Variants in UMODL1 observed in about 807,000 individuals in gnomAD.
The protein encoded by UMODL1 is uromodulin like 1.
UMODL1 carries 128 observed loss-of-function variants against 136.3 expected under a neutral mutation model. The observed-to-expected ratio is 0.94, with a 90% CI of 0.81 to 1.09. UMODL1 has a LOEUF of 1.09. Ranked by LOEUF, UMODL1 falls within the 50% of genes least tolerant of loss-of-function variation. UMODL1 has a pLI of 0.00. For missense variants in UMODL1, 1,766 were observed against 1,725.6 expected (o/e 1.02, Z -0.41); for synonymous variants, 721 against 720.0 (o/e 1.00, Z -0.02).
At chr21:42,091,712 C>T (rs141998734) in intron 6 of UMODL1, among the ~76,000 whole-genome samples, 37 of 152,292 alleles carry the variant, frequency 2.4e-4, no homozygotes, top group East Asian at 7.7e-4. Flanking sequence ...GGGGAAGACC[C>T]GAGCTGTTGT....
chr21:42,080,322 G>A (rs1311338831), intron 2 of UMODL1, among the ~76,000 whole-genome samples: 1 of 152,180 alleles, frequency 6.6e-6, no homozygotes, highest in Non-Finnish European at 1.5e-5. Context: ...TGGAAATACT[G>A]GGAAGCGTGA....
chr21:42,108,136 G>A (rs1450383188), intron 9 of UMODL1, among the ~76,000 whole-genome samples: 4 of 152,236 alleles, frequency 2.6e-5, no homozygotes, highest in African/African-American at 9.6e-5. Context: ...TGGGGGGACG[G>A]AGGAGTGAAG....
In UMODL1 at chr21:42,110,945, G is replaced by T. The variant is rs375983358; in HGVS notation, c.1723G>T (p.Gly575Cys). ...AACAGGGGTAACGGTCCCAGGTCTT[G>T]GCACGGGAACAGCAGCCCTCGGCCT... ...AATGVTVPGL[G>C]TGTAALGLEN... is the part of the protein sequence containing the mutation. Residue 575 changes from glycine to cysteine, a missense_variant, in exon 11 of 23, where the codon GGC becomes TGC. Gly to Cys is a radical substitution (Grantham distance 159). Transcript: ENST00000408910. The T allele has an allele frequency of 5.8e-5, 94 of 1,613,024 alleles. No homozygotes were observed. In the African/African-American group the frequency reaches 1.2e-3, roughly 20 times the overall value.
chr21:42,081,806 TC>T (rs1476545608), intron 2 of UMODL1, among the ~76,000 whole-genome samples: 1 of 152,174 alleles, frequency 6.6e-6, no homozygotes, highest in Non-Finnish European at 1.5e-5. Context: ...TTATTTGGAT[TC>T]CCCTGTTTTC....
At chr21:42,111,439 G>A in intron 11 of UMODL1, 67 bp from the exon 12 acceptor site, 1 of 1,613,810 alleles carries the variant, frequency 6.2e-7, no homozygotes. Flanking sequence ...CCTCCCCGAA[G>A]GCTACTGGGT....
intron 21 of UMODL1, among the ~76,000 whole-genome samples, chr21:42,130,221 C>T (rs985102782): frequency 2.0e-4 from 30 of 150,464 alleles, no homozygotes; most frequent in Non-Finnish European, 2.2e-4. Context: ...GCCATGTCAA[C>T]GTGTGTGTGT....
rs146008430 is a variant in UMODL1, at chr21:42,109,917, C to T, written c.1657+218C>T. On this transcript the variant is annotated intron_variant, in intron 10 of 22. Coordinates refer to ENST00000408910, the MANE Select transcript of UMODL1 (RefSeq NM_001004416.3). ...AAAACAATGAATCTAGCTTGGATTA[C>T]ACTCATCTCTATCTAAATGCCATTA... Among the ~76,000 whole-genome samples, 429 of 152,376 alleles carry T rather than the reference C, an allele frequency of 2.8e-3. 3 individuals are homozygous for T. Among genetic ancestry groups the T allele is most frequent in the African/African-American group, 9.7e-3 (404 of 41,590 alleles).
intron 22 of UMODL1, among the ~76,000 whole-genome samples, chr21:42,140,117 T>C (rs1296721295): frequency 6.6e-6 from 1 of 152,170 alleles, no homozygotes; most frequent in Non-Finnish European, 1.5e-5. Context: ...CAAAAATCTG[T>C]TATCTCAAGA....
intron 1 of UMODL1, among the ~76,000 whole-genome samples, chr21:42,073,184 T>C (rs950500023): frequency 3.3e-5 from 5 of 152,208 alleles, no homozygotes; most frequent in Non-Finnish European, 7.3e-5. Context: ...CAGGTTACGA[T>C]GAAAAACGCA....
rs778569173 is a variant in UMODL1 at position 42,076,277 on chromosome 21, G to A, written c.319+30G>A. On this transcript the variant is annotated intron_variant, in intron 2 of 22. Transcript: ENST00000408910. ...GTCCAGGGCTGCTGGGCTGGGGCGG[G>A]GCCACCCTTGCCGTCGAGACGCCTG... 1.9e-6 allele frequency: 3 copies of A among 1,609,674 alleles called. No homozygotes were observed. The South Asian group carries it at 3.3e-5, about 18-fold the overall frequency.
chr21:42,138,578 ATT>A (rs55726630), intron 22 of UMODL1, among the ~76,000 whole-genome samples: 10 of 146,630 alleles, frequency 6.8e-5, no homozygotes, highest in East Asian at 2.0e-4. Flanking sequence ...AGATTTTCAG[ATT>A]TTTTTTTTTT....
intron 13 of UMODL1, among the ~76,000 whole-genome samples, chr21:42,115,019 A>C (rs1416687702): frequency 6.6e-6 from 1 of 152,240 alleles, no homozygotes; most frequent in East Asian, 1.9e-4. Flanking sequence ...AAGGACGTAG[A>C]GTTTGGGGTT....
At chr21:42,095,003 A>G (rs900063780) in intron 6 of UMODL1, among the ~76,000 whole-genome samples, 25 of 148,608 alleles carry the variant, frequency 1.7e-4, no homozygotes, top group Admixed American at 1.2e-3. Flanking sequence ...AGGCTCTGGG[A>G]GAATCCATTC....
intron 8 of UMODL1, 98 bp from the exon 9 acceptor site, chr21:42,103,770 G>A (rs1473259226): frequency 1.4e-6 from 2 of 1,415,180 alleles, no homozygotes; most frequent in African/African-American, 2.8e-5. Context: ...GTAGAGGAGA[G>A]AAATGGCTCC....
At chr21:42,115,539 G>C (rs1358752052) in intron 13 of UMODL1, among the ~76,000 whole-genome samples, 1 of 152,202 alleles carries the variant, frequency 6.6e-6, no homozygotes, top group Non-Finnish European at 1.5e-5. Context: ...CATGCTTCAA[G>C]TCATGCCAGC....
rs2066984852 is a variant in UMODL1 at position 42,122,472 on chromosome 21, G to A, written c.2828-359G>A. Reference sequence around the variant, plus strand: ...CACATCCCCGGCATCAGGTCCCTCGGTCCTTGGCCCTCGGGGGCCCATGGT... The same window carrying A: ...CACATCCCCGGCATCAGGTCCCTCGATCCTTGGCCCTCGGGGGCCCATGGT... On this transcript the variant is annotated intron_variant, in intron 16 of 22. Transcript: ENST00000408910. This position sits in a 1 kb window ranked among gnomAD's most constrained non-coding sequence, Gnocchi z 4.3. 6.6e-6 allele frequency among the ~76,000 whole-genome samples: 1 copy of A among 152,204 alleles called. No homozygotes were observed. Among genetic ancestry groups the A allele is most frequent in the African/African-American group, 2.4e-5 (1 of 41,450 alleles).
Position 42,109,746 on chromosome 21 carries a change from G to T in UMODL1, c.1657+47G>T, listed in dbSNP as rs368964707. ...GACTCTGGGAAGACCCCCTGCCCGA[G>T]AATCTGGGGGTGGGGCAAAGCCCAA... On this transcript the variant is annotated intron_variant, in intron 10 of 22. Coordinates refer to ENST00000408910, the MANE Select transcript of UMODL1 (RefSeq NM_001004416.3). The T allele has an allele frequency of 8.3e-5, 132 of 1,588,076 alleles. 2 individuals are homozygous for T. In the South Asian group the frequency reaches 1.4e-3, roughly 17 times the overall value.
chr21:42,136,532 T>C (rs768488275), intron 21 of UMODL1, among the ~76,000 whole-genome samples: 12 of 152,158 alleles, frequency 7.9e-5, no homozygotes, highest in Non-Finnish European at 1.2e-4. Flanking sequence ...TTGCAGTGGG[T>C]CAGCGCTTTA....
rs769906807 is a variant in UMODL1, at chr21:42,108,314, G to C, written c.1520-1248G>C. 3 of 525,462 alleles carry C rather than the reference G, an allele frequency of 5.7e-6. No homozygotes were observed. The Admixed American group carries it at 6.0e-5, about 10-fold the overall frequency. The allele number at this position is 525,462 out of a possible 1,614,324, so 32.5% of individuals were successfully genotyped here. A position where few individuals can be genotyped will look rare whatever the true frequency, so the allele number is the denominator to read the frequency against. ...GAGTTACCTGTAGGCTGGAGGTTGA[G>C]TAGCACCCCAGGAAGAGGTGTGGGT... On this transcript the variant is annotated intron_variant, in intron 9 of 22. Coordinates refer to ENST00000408910, the MANE Select transcript of UMODL1 (RefSeq NM_001004416.3).
Sources: gnomAD v4.1 joint callset for allele counts (sites outside exome capture counted in the v4.1 genomes callset) on GRCh38, gnomAD v4.1.1 for gene constraint, Gnocchi (gnomAD v3.1) non-coding constraint, MANE v1.5 for transcripts, NCBI Gene and HGNC (gene_info 2026-07-23, HGNC 2026-07-21) for gene names.